The following CDH20 variants were observed in gnomAD, a reference collection of about 807,000 sequenced individuals.
The protein encoded by CDH20 is cadherin-20.
A neutral mutation model predicts 74.2 loss-of-function variants in CDH20; 29 were observed. That is an observed-to-expected ratio of 0.39 (90% confidence interval 0.29 to 0.53). CDH20 has a LOEUF of 0.53. Ranked by LOEUF, CDH20 falls within the 20% of genes least tolerant of loss-of-function variation. CDH20 has a pLI of 0.69. For synonymous variants in CDH20, 469 were observed against 405.4 expected, an observed-to-expected ratio of 1.16 and a Z score of -1.88; for missense variants, 988 against 1,048.3, an observed-to-expected ratio of 0.94 and a Z score of 0.79.
chr18:61,364,941 T>C (rs1568111976), intron 1 of CDH20, among the ~76,000 whole-genome samples: 1 of 152,240 alleles, frequency 6.6e-6, no homozygotes, highest in Non-Finnish European at 1.5e-5. Flanking sequence ...AAAACCTCAA[T>C]TTTAAGCATC....
chr18:61,378,907 A>G (rs1295041579), intron 1 of CDH20, among the ~76,000 whole-genome samples: 1 of 152,182 alleles, frequency 6.6e-6, no homozygotes, highest in Non-Finnish European at 1.5e-5. Flanking sequence ...GTTGTTTGCC[A>G]GGAATAGAAT....
Position 61,517,689 on chromosome 18 carries a change from G to GTTT in CDH20, c.1017+10135_1017+10137dup, listed in dbSNP as rs375060168. ...TTGAGCAGACACCGAACTAGCTGCA[G>GTTT]TTTTTTTTGTTGTTGTTGTTGTTTT... On this transcript the variant is annotated intron_variant, in intron 6 of 11. Transcript: ENST00000262717. Among the ~76,000 whole-genome samples, 14 of 5,078 alleles carry GTTT rather than the reference G, an allele frequency of 2.8e-3. 2 individuals carry two copies. Among genetic ancestry groups the GTTT allele is most frequent in the South Asian group, 0.03 (2 of 66 alleles). 3.3% of individuals were successfully genotyped at this position (5,078 alleles called of 152,430 possible).
chr18:61,531,968 T>C (rs898170825), intron 7 of CDH20, among the ~76,000 whole-genome samples: 7 of 152,338 alleles, frequency 4.6e-5, no homozygotes, highest in Middle Eastern at 3.4e-3. Flanking sequence ...GTCTTGGGTA[T>C]GTCTTTATTA....
At chr18:61,425,860 T>A (rs1471487462) in intron 1 of CDH20, among the ~76,000 whole-genome samples, 2 of 152,284 alleles carry the variant, frequency 1.3e-5, no homozygotes, top group African/African-American at 2.4e-5. Context: ...ATACATTTTT[T>A]AAAAAATAAA....
At chr18:61,525,412 G>A (rs72995632) in intron 6 of CDH20, among the ~76,000 whole-genome samples, 4,050 of 152,218 alleles carry the variant, frequency 0.027, 73 homozygotes, top group Middle Eastern at 0.054. Flanking sequence ...TTTTAAGAGC[G>A]TATAAATGTA....
At chr18:61,450,636 C>CT (rs1195013416) in intron 1 of CDH20, among the ~76,000 whole-genome samples, 1 of 151,946 alleles carries the variant, frequency 6.6e-6, no homozygotes, top group African/African-American at 2.4e-5. Flanking sequence ...AGGTTTGCCT[C>CT]TTTAACGATT....
intron 1 of CDH20, among the ~76,000 whole-genome samples, chr18:61,450,932 A>G (rs1909365860): frequency 6.6e-6 from 1 of 152,074 alleles, no homozygotes; most frequent in Non-Finnish European, 1.5e-5. Flanking sequence ...CATTGTGGTA[A>G]GCCTCCTCCT....
At chr18:61,507,640 T>C in intron 6 of CDH20, 80 bp downstream of exon 6, 1 of 930,622 alleles carries the variant, frequency 1.1e-6, no homozygotes, top group Non-Finnish European at 1.6e-6. Flanking sequence ...TGTTGTATTA[T>C]TGATATGCAT....
At chr18:61,376,609 TAA>T (rs759831731) in intron 1 of CDH20, among the ~76,000 whole-genome samples, 2 of 142,708 alleles carry the variant, frequency 1.4e-5, no homozygotes, top group African/African-American at 2.6e-5. Flanking sequence ...AAAGAGAAAA[TAA>T]AAAGAGAAAA....
At chr18:61,351,031 C>G (rs1018308568) in intron 1 of CDH20, among the ~76,000 whole-genome samples, 1 of 152,186 alleles carries the variant, frequency 6.6e-6, no homozygotes, top group Non-Finnish European at 1.5e-5. Context: ...CATCAGCAAG[C>G]AGCATCTTGG....
intron 1 of CDH20, among the ~76,000 whole-genome samples, chr18:61,463,771 C>T (rs1909863969): frequency 6.6e-6 from 1 of 152,140 alleles, no homozygotes; most frequent in Admixed American, 6.5e-5. Flanking sequence ...GGCACTGTGT[C>T]CTCACTCTGT....
At position 61,499,448 on chromosome 18, in the gene CDH20, A is replaced by G; in HGVS notation, c.509A>G (p.Tyr170Cys). The G allele has an allele frequency of 2.5e-6, 4 of 1,610,726 alleles. No individual in the cohort carries two copies. Among genetic ancestry groups the G allele is most frequent in the Non-Finnish European group, 3.4e-6 (4 of 1,178,154 alleles). ...DNEPKFLDGP[Y>C]VATVPEMSPV... ...GAGCCCAAGTTCCTGGACGGACCTT[A>G]TGTGGCCACTGTGCCAGAAATGTCC... Residue 170 changes from tyrosine (Y) to cysteine (C), a missense_variant, in exon 3 of 12, where the codon TAT becomes TGT. By Grantham distance (194) the Tyr-to-Cys change is radical. This residue lies in a region of CDH20 where 613 missense variants were observed against 755.2 expected (regional missense o/e 0.81). Coordinates refer to ENST00000262717, the MANE Select transcript of CDH20 (RefSeq NM_031891.4).
intron 1 of CDH20, among the ~76,000 whole-genome samples, chr18:61,469,404 C>CA (rs1555678862): frequency 6.9e-6 from 1 of 145,912 alleles, no homozygotes; most frequent in Non-Finnish European, 1.5e-5. Context: ...CACACACACA[C>CA]CCCTATATAA....
chr18:61,513,116 C>T (rs1356065155), intron 6 of CDH20, among the ~76,000 whole-genome samples: 1 of 149,214 alleles, frequency 6.7e-6, no homozygotes, highest in Non-Finnish European at 1.5e-5. Flanking sequence ...TAAAGTCTCC[C>T]ATTATTAATG....
intron 6 of CDH20, among the ~76,000 whole-genome samples, chr18:61,513,851 G>GA (rs1911877520): frequency 6.6e-6 from 1 of 151,984 alleles, no homozygotes. Flanking sequence ...GGCTTGTAGG[G>GA]TTTCTGCCGA....
rs188921906 is a variant in CDH20 at position 61,410,922 on chromosome 18, T to C, written c.-153+77095T>C. Among the ~76,000 whole-genome samples, 10 of 152,292 alleles carry C rather than the reference T, an allele frequency of 6.6e-5. No individual in the cohort carries two copies. In the East Asian group the frequency reaches 1.5e-3, roughly 24 times the overall value. ...ATTAAAAATATGTATAAGGCGGGGCTGAGCGCGGTGGCTCACGCCTGTAAT... is the reference window on the plus strand; with the variant it reads ...ATTAAAAATATGTATAAGGCGGGGCCGAGCGCGGTGGCTCACGCCTGTAAT... On this transcript the variant is annotated intron_variant, in intron 1 of 11. Coordinates refer to ENST00000262717, the MANE Select transcript of CDH20 (RefSeq NM_031891.4).
At chr18:61,439,040 C>A (rs1908937020) in intron 1 of CDH20, among the ~76,000 whole-genome samples, 1 of 151,884 alleles carries the variant, frequency 6.6e-6, no homozygotes, top group African/African-American at 2.4e-5. Context: ...CAAGTGGGGG[C>A]AAAACATTGG....
At chr18:61,374,969 AGAT>A (rs1452016562) in intron 1 of CDH20, among the ~76,000 whole-genome samples, 1 of 152,206 alleles carries the variant, frequency 6.6e-6, no homozygotes, top group Non-Finnish European at 1.5e-5. Context: ...CAAAAAGATT[AGAT>A]TAGTTGAAAG....
intron 6 of CDH20, among the ~76,000 whole-genome samples, chr18:61,512,540 C>T (rs1414028170): frequency 1.3e-5 from 2 of 150,600 alleles, no homozygotes; most frequent in South Asian, 2.1e-4. Flanking sequence ...AAAGTACTCT[C>T]GTAGGCACAG....
Sources: allele counts gnomAD v4.1 joint callset (sites outside exome capture counted in the v4.1 genomes callset), GRCh38; gene constraint gnomAD v4.1.1; regional missense constraint gnomAD v4.1.1; transcripts MANE v1.5; gene names NCBI Gene and HGNC (gene_info 2026-07-23, HGNC 2026-07-21).